MNX1: variants seen among roughly 807,000 people sequenced by gnomAD.
MNX1 encodes motor neuron and pancreas homeobox protein 1.
In MNX1, 2 loss-of-function variants were observed where a neutral mutation model predicts 17.3. That is an observed-to-expected ratio of 0.12 (90% confidence interval 0.05 to 0.36). MNX1 has a LOEUF of 0.36. Ranked by LOEUF, MNX1 falls within the 10% of genes least tolerant of loss-of-function variation. The pLI is 1.00. For missense variants in MNX1, 556 were observed against 564.7 expected, an observed-to-expected ratio of 0.98 and a Z score of 0.16; for synonymous variants, 306 against 283.1, an observed-to-expected ratio of 1.08 and a Z score of -0.81.
At chr7:157,007,746 A>G (rs1418809840) in intron 1 of MNX1, 1 of 152,300 alleles carries the variant, frequency 6.6e-6, no homozygotes, top group African/African-American at 2.4e-5. Flanking sequence ...CAAAGGAAAG[A>G]AAGGAGGCCA....
In MNX1 at chr7:157,010,649, C is replaced by A. The variant is rs566306508; in HGVS notation, c.-299G>T. On this transcript the variant is annotated 5_prime_UTR_variant, in exon 1 of 3. Transcript: ENST00000252971. ...AGCCCTCAGGCGACCGCGCGGAGGCCGCTGCCGCCGTGGTGGGGACCCGCG... is the reference window on the plus strand; with the variant it reads ...AGCCCTCAGGCGACCGCGCGGAGGCAGCTGCCGCCGTGGTGGGGACCCGCG... 7.1e-5 allele frequency: 16 copies of A among 225,204 alleles called. No individual in the cohort carries two copies. In the East Asian group the frequency reaches 1.0e-3, roughly 14 times the overall value. 14.0% of individuals were successfully genotyped at this position (225,204 alleles called of 1,614,324 possible).
chr7:157,005,463 G>C lies in MNX1; in HGVS notation c.*57C>G, dbSNP rs891733178. The C allele has an allele frequency of 1.7e-6, 2 of 1,201,694 alleles. No individual in the cohort carries two copies. The highest frequency in any genetic ancestry group is 2.1e-6 in the Non-Finnish European group (2 of 964,138). The allele number at this position is 1,201,694 out of a possible 1,614,324, so 74.4% of individuals were successfully genotyped here. ...TGGGTGCGGGCGCCGGGGCCTCCGG[G>C]AGAAGCCGCCGGCCGGGGCGCTCCG... On this transcript the variant is annotated 3_prime_UTR_variant, in exon 3 of 3. Coordinates refer to ENST00000252971, the MANE Select transcript of MNX1 (RefSeq NM_005515.4).
rs775589283 is a variant in MNX1 at position 157,005,800 on chromosome 7, T to C, written c.926A>G (p.Glu309Gly). The change falls in exon 3 of 3, where the codon GAA becomes GGA. Residue 309 changes from glutamate (E) to glycine (G), a missense_variant. By Grantham distance (98) the Glu-to-Gly change is moderately conservative. Transcript: ENST00000252971. The stretch of plus-strand genomic sequence containing the variant: ...GCCGCCGCCCTTCTGTTTCTCCGCT[T>C]CCTGCGCCGCCTGCTCTTTGGCCTT... ...SKKAKEQAAQEAEKQKGGGGG... is the reference protein window; with the variant it reads ...SKKAKEQAAQGAEKQKGGGGG... The C allele has an allele frequency of 6.2e-7, 1 of 1,611,912 alleles. No homozygotes were observed. Among genetic ancestry groups the C allele is most frequent in the South Asian group, 1.1e-5 (1 of 91,084 alleles).
chr7:157,009,545 C>A, intron 1 of MNX1, 115 bp downstream of exon 1: 4 of 1,500,880 alleles, frequency 2.7e-6, no homozygotes, highest in Non-Finnish European at 2.7e-6. Context: ...GAGGCGGCTT[C>A]GCAGCTCTTC....
At position 157,006,761 on chromosome 7, in the gene MNX1, G is replaced by T. The variant is rs1300285553; in HGVS notation, c.692-122C>A. On this transcript the variant is annotated intron_variant, in intron 1 of 2. Coordinates refer to ENST00000252971, the MANE Select transcript of MNX1 (RefSeq NM_005515.4). The surrounding 1 kb of genome is among the most constrained non-coding windows in gnomAD (Gnocchi z 6.3). ...CCAAGGCCTGGCCCTGCAGAGGGCG[G>T]GGCTGTTCCCTCACTATCAGTGCCC... 3 of 1,085,762 alleles carry T rather than the reference G, an allele frequency of 2.8e-6. No individual in the cohort carries two copies. Among genetic ancestry groups the T allele is most frequent in the Non-Finnish European group, 3.9e-6 (3 of 775,706 alleles). The allele number at this position is 1,085,762 out of a possible 1,614,324, so 67.3% of individuals were successfully genotyped here. A position where few individuals can be genotyped will look rare whatever the true frequency, so the allele number is the denominator to read the frequency against.
intron 2 of MNX1, 51 bp from the exon 3 acceptor site, chr7:157,005,924 C>T: frequency 6.2e-7 from 1 of 1,601,448 alleles, no homozygotes; most frequent in Non-Finnish European, 8.5e-7. Context: ...CCCAGGGCTT[C>T]CTGTCCCCGG....
intron 1 of MNX1, 38 bp downstream of exon 1, chr7:157,009,622 C>A: frequency 6.3e-7 from 1 of 1,597,362 alleles, no homozygotes; most frequent in Non-Finnish European, 8.5e-7. Context: ...GCGAGGCCCT[C>A]CCGCCACGCG....
rs763608839 is a variant in MNX1, at chr7:157,005,634, GTCGTCC to G, written c.1086_1091del (p.Glu362_Asp363del). 1.3e-4 allele frequency: 206 copies of G among 1,609,504 alleles called. No homozygotes were observed. The highest frequency in any genetic ancestry group is 9.8e-4 in the South Asian group (89 of 90,536). On this transcript the variant is annotated inframe_deletion, in exon 3 of 3. Coordinates refer to ENST00000252971, the MANE Select transcript of MNX1 (RefSeq NM_005515.4). ...CGTTGCTGTAGGGGAAATGGTCCTC[GTCGTCC>G]TCGTCCTCGTCCTCCTCGGGGTCAC...
chr7:157,010,629 T>C lies in MNX1; in HGVS notation c.-279A>G, dbSNP rs550346024. 8.2e-3 allele frequency: 2,030 copies of C among 246,190 alleles called. 10 individuals carry two copies. Among genetic ancestry groups the C allele is most frequent in the Non-Finnish European group, 0.013 (1,672 of 127,072 alleles). 15.3% of individuals were successfully genotyped at this position (246,190 alleles called of 1,614,324 possible). ...AGCCCGGTTCTTTGCGCTGCAGCCC[T>C]CAGGCGACCGCGCGGAGGCCGCTGC... On this transcript the variant is annotated 5_prime_UTR_variant, in exon 1 of 3. Coordinates refer to ENST00000252971, the MANE Select transcript of MNX1 (RefSeq NM_005515.4).
In MNX1 at chr7:157,009,591, G is replaced by A. The variant is rs550433655; in HGVS notation, c.691+69C>T. 2.7e-5 allele frequency: 42 copies of A among 1,569,310 alleles called. 1 individual carries two copies. The South Asian group carries it at 4.6e-4, about 17-fold the overall frequency. On this transcript the variant is annotated intron_variant, in intron 1 of 2. Transcript: ENST00000252971. ...TGGGAGCCAAGCGCAGAGAGGGGCA[G>A]GCGGTGCCGGTGGAGGATGCGCGAG...
Position 157,006,396 on chromosome 7 carries a change from C to CA in MNX1, c.852+82dup. 1 of 1,484,650 alleles carries CA rather than the reference C, an allele frequency of 6.7e-7. No homozygotes were observed. Among genetic ancestry groups the CA allele is most frequent in the Non-Finnish European group, 9.1e-7 (1 of 1,100,918 alleles). The allele number at this position is 1,484,650 out of a possible 1,614,324, so 92.0% of individuals were successfully genotyped here. On this transcript the variant is annotated intron_variant, in intron 2 of 2. Transcript: ENST00000252971. The surrounding 1 kb of genome is among the most constrained non-coding windows in gnomAD (Gnocchi z 6.3). ...CGTCGAGGCGCAGCGCTAGATGCCT[C>CA]AGACCGCCCGTGGGTCACAAGTGCA...
intron 1 of MNX1, 154 bp downstream of exon 1, chr7:157,009,506 G>A (rs1260847796): frequency 1.4e-6 from 2 of 1,446,166 alleles, no homozygotes; most frequent in Non-Finnish European, 1.8e-6. Flanking sequence ...GGGGGTCCGG[G>A]CGAGTCCTCG....
At chr7:157,008,986 G>A (rs768385251) in intron 1 of MNX1, 19 of 1,536,894 alleles carry the variant, frequency 1.2e-5, no homozygotes, top group Admixed American at 2.0e-5. Context: ...ACCTTGGAGG[G>A]GCATTCGTTA....
Position 157,010,130 on chromosome 7 carries a change from C to A in MNX1, c.221G>T (p.Arg74Leu). ...EPPAAPADRL[R>L]AESPSPPRLL... ...GCGCGGCGGCGACGGGCTCTCGGCGCGCAGGCGGTCGGCGGGCGCAGCCGG... is the reference window on the plus strand; with the variant it reads ...GCGCGGCGGCGACGGGCTCTCGGCGAGCAGGCGGTCGGCGGGCGCAGCCGG... Residue 74 changes from arginine to leucine, a missense_variant, in exon 1 of 3, where the codon CGC becomes CTC. Physicochemically the swap from Arg to Leu is moderately radical, Grantham distance 102 (BLOSUM62 -2). This residue lies in a region of MNX1 where 115 missense variants were observed against 103.5 expected (regional missense o/e 1.11). Transcript: ENST00000252971. 6.9e-6 allele frequency: 7 copies of A among 1,019,678 alleles called. No homozygotes were observed. The highest frequency in any genetic ancestry group is 1.7e-5 in the African/African-American group (1 of 57,502). The allele number at this position is 1,019,678 out of a possible 1,614,324, so 63.2% of individuals were successfully genotyped here.
Position 157,009,826 on chromosome 7 carries a change from C to T in MNX1, c.525G>A (p.Leu175=), listed in dbSNP as rs758006592. Residue 175 remains leucine (L), a synonymous_variant, in exon 1 of 3, where the codon CTG becomes CTA. Coordinates refer to ENST00000252971, the MANE Select transcript of MNX1 (RefSeq NM_005515.4). ...GYSAAAAAAA[L]AGQHPALSYS... ...AGGAGAGCGCCGGGTGCTGGCCCGC[C>T]AGCGCAGCCGCCGCCGCCGCCGCGG... 359 of 1,521,188 alleles carry T rather than the reference C, an allele frequency of 2.4e-4. No homozygotes were observed. The highest frequency in any genetic ancestry group is 3.1e-4 in the Non-Finnish European group (351 of 1,142,230). The allele number at this position is 1,521,188 out of a possible 1,614,324, so 94.2% of individuals were successfully genotyped here.
intron 1 of MNX1, chr7:157,007,545 C>G (rs959275990): frequency 2.0e-5 from 3 of 152,240 alleles, no homozygotes; most frequent in African/African-American, 7.2e-5. Context: ...CTTTTCAGGA[C>G]AATTCTCATT....
In MNX1 at chr7:157,006,016, G is replaced by C; in HGVS notation, c.853-143C>G. The C allele has an allele frequency of 5.9e-6, 5 of 848,772 alleles. No individual in the cohort carries two copies. Among genetic ancestry groups the C allele is most frequent in the Non-Finnish European group, 9.1e-6 (5 of 546,848 alleles). 52.6% of individuals were successfully genotyped at this position (848,772 alleles called of 1,614,324 possible). A position where few individuals can be genotyped will look rare whatever the true frequency, so the allele number is the denominator to read the frequency against. On this transcript the variant is annotated intron_variant, in intron 2 of 2. Transcript: ENST00000252971. This position sits in a 1 kb window ranked among gnomAD's most constrained non-coding sequence, Gnocchi z 6.3. ...GGTGAGACGACTTAGAAGCAGAATG[G>C]GGAGGGGGCTCGTAGCTTCCTCCTC...
At position 157,009,767 on chromosome 7, in the gene MNX1, G is replaced by A. The variant is rs1283554808; in HGVS notation, c.584C>T (p.Ala195Val). ...SYPQVQGAHPAHPADPIKLGA... is the reference protein window; with the variant it reads ...SYPQVQGAHPVHPADPIKLGA... ...CAGCTTGATGGGGTCGGCGGGGTGC[G>A]CGGGGTGCGCGCCTTGCACCTGCGG... Residue 195 changes from alanine to valine, a missense_variant, in exon 1 of 3, where the codon GCG (alanine) becomes GTG (valine). Physicochemically the swap from Ala to Val is moderately conservative, Grantham distance 64 (BLOSUM62 0). Around this residue, in one of 7 missense-constraint regions of MNX1, gnomAD observed 210 missense variants for 211.3 expected, o/e 0.99. Coordinates refer to ENST00000252971, the MANE Select transcript of MNX1 (RefSeq NM_005515.4). 8.8e-6 allele frequency: 14 copies of A among 1,599,302 alleles called. No individual in the cohort carries two copies. The highest frequency in any genetic ancestry group is 1.2e-5 in the Non-Finnish European group (14 of 1,176,308).
At chr7:157,009,275 G>A (rs1317276063) in intron 1 of MNX1, 10 of 1,419,614 alleles carry the variant, frequency 7.0e-6, no homozygotes, top group African/African-American at 1.4e-5. Flanking sequence ...CCTGGCCCAA[G>A]TTCCTTTCCC....
Sources: allele counts gnomAD v4.1 joint callset, GRCh38; gene constraint gnomAD v4.1.1; regional missense constraint gnomAD v4.1.1; non-coding constraint Gnocchi (gnomAD v3.1); transcripts MANE v1.5; gene names NCBI Gene and HGNC (gene_info 2026-07-23, HGNC 2026-07-21).